ITGA9: variants seen among roughly 807,000 people sequenced by gnomAD.
ITGA9 encodes integrin subunit alpha 9, also known as integrin alpha-9.
ITGA9 carries 56 observed loss-of-function variants against 127.8 expected under a neutral mutation model. That is an observed-to-expected ratio of 0.44 (90% CI 0.35 to 0.55). The LOEUF is 0.55. Among genes scored for constraint, ITGA9 ranks in the 20% least tolerant of loss-of-function variants. ITGA9 has a pLI of 0.00. For missense variants in ITGA9, 1,196 were observed against 1,347.1 expected, an observed-to-expected ratio of 0.89 and a Z score of 1.76; for synonymous variants, 508 against 514.5, an observed-to-expected ratio of 0.99 and a Z score of 0.17.
chr3:37,626,856 A>G (rs935989697), intron 15 of ITGA9, among the ~76,000 whole-genome samples: 2 of 152,252 alleles, frequency 1.3e-5, no homozygotes, highest in African/African-American at 4.8e-5. Flanking sequence ...TAACAACATC[A>G]TAACTGACTT....
chr3:37,518,771 C>CTTTTTTT lies in ITGA9; in HGVS notation c.1142-464_1142-458dup, dbSNP rs543297344. Among the ~76,000 whole-genome samples the CTTTTTTT allele has an allele frequency of 5.3e-3, 231 of 43,518 alleles. 48 individuals carry two copies. The highest frequency in any genetic ancestry group is 0.026 in the Middle Eastern group (1 of 38). 28.5% of individuals were successfully genotyped at this position (43,518 alleles called of 152,430 possible). ...GTCAGCTTCTATAGTTTTCACTGTA[C>CTTTTTTT]TTTTTTTTTTTTTTTTTTTTTTTTT... On this transcript the variant is annotated intron_variant, in intron 10 of 27. Transcript: ENST00000264741.
chr3:37,706,255 A>G (rs1334120147), intron 18 of ITGA9, among the ~76,000 whole-genome samples: 2 of 152,068 alleles, frequency 1.3e-5, no homozygotes, highest in Non-Finnish European at 2.9e-5. Context: ...CCCTCTCTCT[A>G]TCTTCTCCCT....
At chr3:37,638,832 T>C (rs1700305654) in intron 16 of ITGA9, among the ~76,000 whole-genome samples, 1 of 152,222 alleles carries the variant, frequency 6.6e-6, no homozygotes, top group South Asian at 2.1e-4. Flanking sequence ...AACATGGAGA[T>C]AGTGACCAGT....
intron 15 of ITGA9, among the ~76,000 whole-genome samples, chr3:37,555,568 A>G (rs1309880265): frequency 6.6e-6 from 1 of 152,214 alleles, no homozygotes; most frequent in African/African-American, 2.4e-5. Context: ...TGGACAGACA[A>G]CTCACAGCTC....
At chr3:37,671,780 G>T (rs986948515) in intron 17 of ITGA9, among the ~76,000 whole-genome samples, 4 of 152,134 alleles carry the variant, frequency 2.6e-5, no homozygotes, top group African/African-American at 9.7e-5. Context: ...GATCTGTTTT[G>T]CCTGATTAGA....
intron 16 of ITGA9, among the ~76,000 whole-genome samples, chr3:37,644,363 C>T (rs1037067430): frequency 6.6e-6 from 1 of 151,928 alleles, no homozygotes; most frequent in African/African-American, 2.4e-5. Context: ...CACATGTTCT[C>T]GTTTATAAGT....
intron 17 of ITGA9, among the ~76,000 whole-genome samples, chr3:37,676,080 C>T (rs1700679466): frequency 6.6e-6 from 1 of 152,090 alleles, no homozygotes; most frequent in African/African-American, 2.4e-5. Flanking sequence ...AATTTATTTC[C>T]CCTGGACGTC....
intron 16 of ITGA9, among the ~76,000 whole-genome samples, chr3:37,649,834 G>A (rs1262440541): frequency 2.6e-5 from 4 of 152,204 alleles, no homozygotes; most frequent in Admixed American, 6.5e-5. Flanking sequence ...ACAAATCTTA[G>A]CAAATTTCAG....
At chr3:37,697,050 G>C (rs1304612629) in intron 18 of ITGA9, among the ~76,000 whole-genome samples, 1 of 152,172 alleles carries the variant, frequency 6.6e-6, no homozygotes. Flanking sequence ...CCTTCTTAGA[G>C]ATGAGAAAGT....
chr3:37,727,300 A>C (rs1367599978), intron 18 of ITGA9, among the ~76,000 whole-genome samples: 1 of 152,238 alleles, frequency 6.6e-6, no homozygotes, highest in East Asian at 1.9e-4. Flanking sequence ...TTTTTAATTG[A>C]ATCTTCTGTA....
intron 18 of ITGA9, among the ~76,000 whole-genome samples, chr3:37,696,045 G>A (rs1332027197): frequency 2.0e-5 from 3 of 152,152 alleles, no homozygotes; most frequent in African/African-American, 4.8e-5. Flanking sequence ...GAAGGACAAA[G>A]GGCAAAAGGT....
chr3:37,786,849 G>A (rs544488212), intron 26 of ITGA9, among the ~76,000 whole-genome samples: 4 of 152,292 alleles, frequency 2.6e-5, no homozygotes, highest in African/African-American at 9.6e-5. Flanking sequence ...TTGTTTGTTT[G>A]TTTCTTTGTT....
At chr3:37,469,732 T>C (rs907134144) in intron 1 of ITGA9, among the ~76,000 whole-genome samples, 5 of 152,322 alleles carry the variant, frequency 3.3e-5, no homozygotes, top group African/African-American at 4.8e-5. Flanking sequence ...ATTTGTGCAG[T>C]TCATCTCTGT....
Position 37,729,419 on chromosome 3 carries a change from A to C in ITGA9, c.2068-3293A>C, listed in dbSNP as rs563105239. Among the ~76,000 whole-genome samples, 516 of 152,338 alleles carry C rather than the reference A, an allele frequency of 3.4e-3. 4 individuals carry two copies. Among genetic ancestry groups the C allele is most frequent in the Non-Finnish European group, 6.1e-3 (417 of 68,038 alleles). On this transcript the variant is annotated intron_variant, in intron 18 of 27. Coordinates refer to ENST00000264741, the MANE Select transcript of ITGA9 (RefSeq NM_002207.3). ...TTTACTCTTTTGGCCTGTCCTCACC[A>C]AGATCCAACCAGAATTTTGAAATTT... is the stretch of plus-strand genomic sequence containing the variant.
intron 18 of ITGA9, among the ~76,000 whole-genome samples, chr3:37,692,412 A>AGTGTGTGTGTGTGTGTGT (rs59928496): frequency 6.2e-5 from 9 of 145,968 alleles, no homozygotes; most frequent in African/African-American, 2.3e-4. Flanking sequence ...AGAGAGAGAG[A>AGTGTGTGTGTGTGTGTGT]GTGTGTGTGT....
At chr3:37,709,124 T>C (rs1449358869) in intron 18 of ITGA9, among the ~76,000 whole-genome samples, 1 of 152,174 alleles carries the variant, frequency 6.6e-6, no homozygotes, top group Non-Finnish European at 1.5e-5. Context: ...CTAAGAATAA[T>C]GTTGACCTTA....
chr3:37,552,328 T>A lies in ITGA9; in HGVS notation c.1689+9743T>A, dbSNP rs148858223. On this transcript the variant is annotated intron_variant, in intron 15 of 27. Coordinates refer to ENST00000264741, the MANE Select transcript of ITGA9 (RefSeq NM_002207.3). ...GGAAGCCTGGCCCCTGAAGCCTCAT[T>A]GCGTGGGATAAGGGGACTAACATAT... Among the ~76,000 whole-genome samples, 59 of 152,048 alleles carry A rather than the reference T, an allele frequency of 3.9e-4. No individual in the cohort carries two copies. In the East Asian group the frequency reaches 9.7e-3, roughly 25 times the overall value.
intron 11 of ITGA9, among the ~76,000 whole-genome samples, chr3:37,522,600 A>G (rs906368646): frequency 3.3e-5 from 5 of 152,082 alleles, no homozygotes; most frequent in African/African-American, 1.2e-4. Context: ...GAGCATGCCT[A>G]TAGTCCCAGC....
intron 23 of ITGA9, among the ~76,000 whole-genome samples, chr3:37,766,069 G>A (rs959265035): frequency 6.6e-6 from 1 of 152,258 alleles, no homozygotes; most frequent in African/African-American, 2.4e-5. Flanking sequence ...TGGCAGGGGT[G>A]ATGGGTTGTT....
Sources: allele counts gnomAD v4.1 joint callset (sites outside exome capture counted in the v4.1 genomes callset), GRCh38; gene constraint gnomAD v4.1.1; transcripts MANE v1.5; gene names NCBI Gene and HGNC (gene_info 2026-07-23, HGNC 2026-07-21).